The following CCDC63 variants were observed in gnomAD, a reference collection of about 807,000 sequenced individuals.
CCDC63 encodes the protein coiled-coil domain-containing protein 63.
CCDC63 carries 54 observed loss-of-function variants against 63.6 expected under a neutral mutation model. The observed-to-expected ratio is 0.85, with a 90% CI of 0.68 to 1.07. The LOEUF (loss-of-function observed/expected upper bound fraction) is 1.07. Ranked by LOEUF, CCDC63 falls within the 50% of genes least tolerant of loss-of-function variation. The probability of loss-of-function intolerance (pLI) is 0.00; values close to 1 mark genes in which losing one functional copy is unlikely to be tolerated. For synonymous variants in CCDC63, 253 were observed against 266.1 expected (o/e 0.95, Z 0.48); for missense variants, 637 against 689.6 (o/e 0.92, Z 0.86).
chr12:110,883,343 A>T (rs1178812650), intron 7 of CCDC63, among the ~76,000 whole-genome samples: 1 of 151,856 alleles, frequency 6.6e-6, no homozygotes, highest in Non-Finnish European at 1.5e-5. Flanking sequence ...GCCTAATTTT[A>T]AAAATTTTTT....
In CCDC63 at chr12:110,865,195, T is replaced by C. The variant is rs144630890; in HGVS notation, c.369+6420T>C. ...ATGTGGGGAGCCACCAGCCACTGTG[T>C]CTACCACAGTCCTGGGTGCCACCTC... On this transcript the variant is annotated intron_variant, in intron 4 of 11. Coordinates refer to ENST00000308208, the MANE Select transcript of CCDC63 (RefSeq NM_152591.3). Among the ~76,000 whole-genome samples, 10 of 152,302 alleles carry C rather than the reference T, an allele frequency of 6.6e-5. No individual in the cohort carries two copies. In the East Asian group the frequency reaches 1.9e-3, roughly 29 times the overall value.
At chr12:110,895,796 T>G (rs2071409587) in intron 9 of CCDC63, among the ~76,000 whole-genome samples, 1 of 152,220 alleles carries the variant, frequency 6.6e-6, no homozygotes, top group Admixed American at 6.5e-5. Flanking sequence ...TTGTAGCTAT[T>G]ATTATTGTTG....
At chr12:110,886,583 T>C (rs920955476) in intron 8 of CCDC63, among the ~76,000 whole-genome samples, 1 of 152,128 alleles carries the variant, frequency 6.6e-6, no homozygotes, top group Non-Finnish European at 1.5e-5. Context: ...GCTATGCCCT[T>C]CCTGGAGGGG....
At chr12:110,864,403 A>G (rs537195136) in intron 4 of CCDC63, among the ~76,000 whole-genome samples, 2 of 151,074 alleles carry the variant, frequency 1.3e-5, no homozygotes, top group South Asian at 4.2e-4. Flanking sequence ...CAGCCTGGGC[A>G]ACATAGCGAG....
At chr12:110,893,234 G>A (rs889584536) in intron 9 of CCDC63, 84 bp downstream of exon 9, 126 of 1,140,920 alleles carry the variant, frequency 1.1e-4, no homozygotes, top group East Asian at 3.8e-4. Context: ...CTGTCTGTCC[G>A]TCGGGCATCT....
chr12:110,897,266 C>G (rs569146900), intron 9 of CCDC63, among the ~76,000 whole-genome samples: 38 of 147,184 alleles, frequency 2.6e-4, no homozygotes, highest in African/African-American at 9.1e-4. Flanking sequence ...AAGAACTTGT[C>G]TCTAATTTTA....
At chr12:110,860,293 G>C (rs2070836495) in intron 4 of CCDC63, among the ~76,000 whole-genome samples, 1 of 152,166 alleles carries the variant, frequency 6.6e-6, no homozygotes, top group South Asian at 2.1e-4. Context: ...CAGTGGGTCT[G>C]GGGGGCAAGT....
intron 7 of CCDC63, among the ~76,000 whole-genome samples, chr12:110,881,823 T>C (rs1287425200): frequency 6.6e-6 from 1 of 152,236 alleles, no homozygotes; most frequent in Non-Finnish European, 1.5e-5. Flanking sequence ...GATAAAACTT[T>C]TTTGTTTATC....
chr12:110,897,732 G>GTTT lies in CCDC63; in HGVS notation c.1150-1185_1150-1183dup, dbSNP rs1208926440. ...TGTATTTCTTCCTGTGGACCACCTTGTTTTTTTTTTTTTTTTTTGAGATAG... is the reference window on the plus strand; with the variant it reads ...TGTATTTCTTCCTGTGGACCACCTTGTTTTTTTTTTTTTTTTTTTTTGAGATAG... On this transcript the variant is annotated intron_variant, in intron 9 of 11. Transcript: ENST00000308208. 9.8e-3 allele frequency among the ~76,000 whole-genome samples: 1,186 copies of GTTT among 121,250 alleles called. 10 individuals are homozygous for GTTT. The highest frequency in any genetic ancestry group is 0.015 in the Non-Finnish European group (865 of 57,326). 79.5% of individuals were successfully genotyped at this position (121,250 alleles called of 152,430 possible). A position where few individuals can be genotyped will look rare whatever the true frequency, so the allele number is the denominator to read the frequency against.
Position 110,907,514 on chromosome 12 carries a change from A to C in CCDC63, c.*38A>C. ...GGGCCACCTTTGCAACATAACCGAAAGAATAAATGTTTTGTTCTGTAGCCT... is the reference window on the plus strand; with the variant it reads ...GGGCCACCTTTGCAACATAACCGAACGAATAAATGTTTTGTTCTGTAGCCT... On this transcript the variant is annotated 3_prime_UTR_variant, in exon 12 of 12. Coordinates refer to ENST00000308208, the MANE Select transcript of CCDC63 (RefSeq NM_152591.3). This position sits in a 1 kb window ranked among gnomAD's most constrained non-coding sequence, Gnocchi z 4.4. The C allele has an allele frequency of 1.2e-6, 2 of 1,612,776 alleles. No individual in the cohort carries two copies. Among genetic ancestry groups the C allele is most frequent in the Non-Finnish European group, 1.7e-6 (2 of 1,179,206 alleles).
chr12:110,891,586 G>A (rs1332059279), intron 8 of CCDC63, among the ~76,000 whole-genome samples: 4 of 131,084 alleles, frequency 3.1e-5, no homozygotes, highest in East Asian at 4.6e-4. Flanking sequence ...AGTGAGCCGT[G>A]ATTATGCCAC....
At position 110,904,601 on chromosome 12, in the gene CCDC63, G is replaced by C; in HGVS notation, c.1356G>C (p.Lys452Asn). 1 of 1,614,044 alleles carries C rather than the reference G, an allele frequency of 6.2e-7. No individual in the cohort carries two copies. The highest frequency in any genetic ancestry group is 2.2e-5 in the East Asian group (1 of 44,868). The change falls in exon 11 of 12, where the codon AAG becomes AAC. Residue 452 changes from lysine (K) to asparagine (N), a missense_variant. Physicochemically the swap from Lys to Asn is moderately conservative, Grantham distance 94. Coordinates refer to ENST00000308208, the MANE Select transcript of CCDC63 (RefSeq NM_152591.3). ...NLPQYFAIIE[K>N]KTNDLLLLET... ...CTTGTTCTCCAGCCATCATTGAAAA[G>C]AAGACCAACGACCTGCTGCTGTTGG...
intron 7 of CCDC63, 118 bp downstream of exon 7, chr12:110,881,414 TAAAGA>T: frequency 9.4e-7 from 1 of 1,066,118 alleles, no homozygotes; most frequent in Non-Finnish European, 1.3e-6. Flanking sequence ...ATTTAGCAAA[TAAAGA>T]TATAAGATGC....
rs1186104968 is a variant in CCDC63, at chr12:110,887,292, AT to A, written c.1074+3047del. Reference sequence around the variant, plus strand: ...CAGGCAGAGCCACCACACCTGGCTAATTTTTGTATTTTTAGTAGAGACAAGG... The same window carrying A: ...CAGGCAGAGCCACCACACCTGGCTAATTTTGTATTTTTAGTAGAGACAAGG... On this transcript the variant is annotated intron_variant, in intron 8 of 11. Coordinates refer to ENST00000308208, the MANE Select transcript of CCDC63 (RefSeq NM_152591.3). Among the ~76,000 whole-genome samples the A allele has an allele frequency of 4.6e-5, 7 of 152,052 alleles. No homozygotes were observed. In the East Asian group the frequency reaches 1.4e-3, roughly 29 times the overall value.
chr12:110,861,468 TC>T lies in CCDC63; in HGVS notation c.369+2696del, dbSNP rs544594658. On this transcript the variant is annotated intron_variant, in intron 4 of 11. Transcript: ENST00000308208. Reference sequence around the variant, plus strand: ...CGTGTCCTTTAAGCCCACAGTACTGTCCCTCACTTCCAGGACTTTGCGTGTG... The same window carrying T: ...CGTGTCCTTTAAGCCCACAGTACTGTCCTCACTTCCAGGACTTTGCGTGTG... 1.7e-3 allele frequency among the ~76,000 whole-genome samples: 262 copies of T among 152,178 alleles called. 1 individual carries two copies. The highest frequency in any genetic ancestry group is 6.2e-3 in the African/African-American group (256 of 41,528).
chr12:110,884,290 G>T lies in CCDC63; in HGVS notation c.1074+40G>T, dbSNP rs758041490. The T allele has an allele frequency of 3.9e-6, 6 of 1,539,682 alleles. No homozygotes were observed. In the South Asian group the frequency reaches 6.7e-5, roughly 17 times the overall value. ...GCTTTCCCAGGCCCTGGGCCCCTGT[G>T]TCCACAGCAGCCTTTCCAGGGCAGT... On this transcript the variant is annotated intron_variant, in intron 8 of 11. Transcript: ENST00000308208.
In CCDC63 at chr12:110,863,684, A is replaced by G. The variant is rs1366267253; in HGVS notation, c.369+4909A>G. On this transcript the variant is annotated intron_variant, in intron 4 of 11. Transcript: ENST00000308208. Reference sequence around the variant, plus strand: ...GCCTCCCTAGTAGTTGGGATTACAGACATGTGCCACCATGCCTGGCTAATT... The same window carrying G: ...GCCTCCCTAGTAGTTGGGATTACAGGCATGTGCCACCATGCCTGGCTAATT... Among the ~76,000 whole-genome samples, 3 of 151,868 alleles carry G rather than the reference A, an allele frequency of 2.0e-5. No homozygotes were observed. The East Asian group carries it at 5.8e-4, about 29-fold the overall frequency.
At position 110,898,939 on chromosome 12, in the gene CCDC63, C is replaced by CT; in HGVS notation, c.1157dup (p.Arg387GlufsTer11). 13 of 1,599,606 alleles carry CT rather than the reference C, an allele frequency of 8.1e-6. No individual in the cohort carries two copies. The highest frequency in any genetic ancestry group is 1.1e-5 in the Non-Finnish European group (13 of 1,171,696). ...AATTGGGGTCTGCCACCAGGATAAA[C>CT]TGAGGAAGACCACGGAGGAGGCAGA... On this transcript the variant is annotated frameshift_variant, in exon 10 of 12. Coordinates refer to ENST00000308208, the MANE Select transcript of CCDC63 (RefSeq NM_152591.3). LOFTEE classifies it high-confidence loss of function.
chr12:110,892,854 C>G (rs1043478245), intron 8 of CCDC63, among the ~76,000 whole-genome samples: 1 of 152,056 alleles, frequency 6.6e-6, no homozygotes, highest in Non-Finnish European at 1.5e-5. Context: ...GATGACTCAC[C>G]CCTCCCACCC....
Sources: allele counts gnomAD v4.1 joint callset (sites outside exome capture counted in the v4.1 genomes callset), GRCh38; gene constraint gnomAD v4.1.1; non-coding constraint Gnocchi (gnomAD v3.1); transcripts MANE v1.5; gene names NCBI Gene and HGNC (gene_info 2026-07-23, HGNC 2026-07-21).